The following ABCB1 variants were observed in gnomAD, a reference collection of about 807,000 sequenced individuals.
ABCB1 encodes ATP binding cassette subfamily B member 1, also known as ATP-dependent translocase ABCB1.
ABCB1 carries 69 observed loss-of-function variants against 142.0 expected under a neutral mutation model. The ratio of observed to expected loss-of-function variants is 0.49; its 90% CI spans 0.40 to 0.59. The LOEUF (loss-of-function observed/expected upper bound fraction) is 0.59. Among genes scored for constraint, ABCB1 ranks in the 20% least tolerant of loss-of-function variants. The pLI, the probability that ABCB1 is intolerant of heterozygous loss-of-function variation, is 0.00. For synonymous variants in ABCB1, 532 were observed against 539.2 expected, an observed-to-expected ratio of 0.99 and a Z score of 0.18; for missense variants, 1,326 against 1,554.7, an observed-to-expected ratio of 0.85 and a Z score of 2.47.
At chr7:87,506,867 C>T (rs28401817) in intron 26 of ABCB1, among the ~76,000 whole-genome samples, 1,663 of 152,252 alleles carry the variant, frequency 0.011, 30 homozygotes, top group African/African-American at 0.037. Flanking sequence ...CCCTGGGTTT[C>T]CCCCTGTAAA....
chr7:87,702,166 A>C (rs1317916117), intron 1 of ABCB1, among the ~76,000 whole-genome samples: 8 of 149,464 alleles, frequency 5.4e-5, no homozygotes, highest in South Asian at 2.1e-4. Flanking sequence ...AAAAAAAAAA[A>C]AAAAAACAGA....
intron 17 of ABCB1, 79 bp downstream of exon 17, chr7:87,544,050 G>A: frequency 6.4e-7 from 1 of 1,555,980 alleles, no homozygotes; most frequent in Non-Finnish European, 8.9e-7. Flanking sequence ...TTGTATCCCA[G>A]TTCAGACACA....
intron 4 of ABCB1, among the ~76,000 whole-genome samples, chr7:87,578,740 C>A (rs1477031457): frequency 5.0e-5 from 7 of 139,192 alleles, no homozygotes; most frequent in African/African-American, 1.6e-4. Context: ...GTCGCCCAGG[C>A]TGGAGTGCAG....
At chr7:87,561,915 G>A (rs1453435301) in intron 7 of ABCB1, among the ~76,000 whole-genome samples, 9 of 152,196 alleles carry the variant, frequency 5.9e-5, no homozygotes, top group African/African-American at 2.2e-4. Flanking sequence ...GAGCCTAGGA[G>A]GACGAGGCTG....
At chr7:87,628,832 C>T in intron 1 of ABCB1, 1 of 1,257,312 alleles carries the variant, frequency 8.0e-7, no homozygotes, top group Non-Finnish European at 1.0e-6. Context: ...CCATGGCCTC[C>T]CGGAGCCTGG....
chr7:87,539,718 T>C (rs893620774), intron 18 of ABCB1, among the ~76,000 whole-genome samples: 5 of 152,204 alleles, frequency 3.3e-5, no homozygotes, highest in Non-Finnish European at 7.3e-5. Context: ...TTGGGTGGTC[T>C]AACATCTTTA....
At chr7:87,704,769 G>A (rs1829438991) in intron 1 of ABCB1, among the ~76,000 whole-genome samples, 1 of 152,130 alleles carries the variant, frequency 6.6e-6, no homozygotes, top group South Asian at 2.1e-4. Flanking sequence ...AGTTATGCTG[G>A]GAAGAGTCTG....
intron 4 of ABCB1, among the ~76,000 whole-genome samples, chr7:87,577,285 A>T (rs1818308638): frequency 6.6e-6 from 1 of 152,090 alleles, no homozygotes. Flanking sequence ...CATTGTGTGT[A>T]TGTATCATAA....
intron 15 of ABCB1, 116 bp downstream of exon 15, chr7:87,545,747 G>A: frequency 9.1e-7 from 1 of 1,101,332 alleles, no homozygotes; most frequent in South Asian, 1.6e-5. Context: ...GAATCCCCCA[G>A]GTGTTGTTTC....
chr7:87,647,898 T>G (rs1823175653), intron 1 of ABCB1, among the ~76,000 whole-genome samples: 2 of 151,840 alleles, frequency 1.3e-5, no homozygotes, highest in Admixed American at 1.3e-4. Flanking sequence ...AAATGGAAAA[T>G]GATAGGCCAG....
At chr7:87,591,124 G>A (rs1012166281) in intron 3 of ABCB1, among the ~76,000 whole-genome samples, 3 of 152,126 alleles carry the variant, frequency 2.0e-5, no homozygotes, top group African/African-American at 7.2e-5. Context: ...AGGGAGGAGG[G>A]GGCCTGGAGT....
intron 4 of ABCB1, among the ~76,000 whole-genome samples, chr7:87,576,825 T>C (rs1297767811): frequency 6.6e-6 from 1 of 152,170 alleles, no homozygotes; most frequent in Non-Finnish European, 1.5e-5. Context: ...TGAGATATTT[T>C]GACATAGGCA....
At position 87,530,823 on chromosome 7, in the gene ABCB1, AAGAAAGC is replaced by A. The variant is rs1563037322; in HGVS notation, c.2685+464_2685+470del. On this transcript the variant is annotated intron_variant, in intron 21 of 27. Transcript: ENST00000622132. ...CAAGAAAGCAAGAAAGCAAGAAAGC[AAGAAAGC>A]AAGAAAGCAAGAAAGAAAGAAAGAA... is the stretch of plus-strand genomic sequence containing the variant. Among the ~76,000 whole-genome samples the A allele has an allele frequency of 2.8e-4, 22 of 78,868 alleles. No homozygotes were observed. In the South Asian group the frequency reaches 4.7e-3, roughly 17 times the overall value. 51.7% of individuals were successfully genotyped at this position (78,868 alleles called of 152,430 possible).
intron 21 of ABCB1, 29 bp from the exon 22 acceptor site, chr7:87,520,905 G>T: frequency 6.5e-7 from 1 of 1,530,790 alleles, no homozygotes; most frequent in Non-Finnish European, 9.1e-7. Flanking sequence ...ATCACCAAGA[G>T]GCACAAGAGT....
intron 26 of ABCB1, among the ~76,000 whole-genome samples, chr7:87,508,427 C>T (rs978124758): frequency 2.3e-4 from 35 of 152,184 alleles, no homozygotes; most frequent in African/African-American, 2.7e-4. Flanking sequence ...ATCCAAAACA[C>T]TTCTGGTCCC....
chr7:87,568,111 A>G (rs1817858802), intron 5 of ABCB1, among the ~76,000 whole-genome samples: 1 of 151,070 alleles, frequency 6.6e-6, no homozygotes, highest in African/African-American at 2.4e-5. Flanking sequence ...TCAAAAAAAA[A>G]AAAAGAAAAG....
chr7:87,635,205 G>C (rs561670860), intron 1 of ABCB1, among the ~76,000 whole-genome samples: 5 of 152,292 alleles, frequency 3.3e-5, no homozygotes, highest in Non-Finnish European at 5.9e-5. Context: ...GCATCAGAGA[G>C]AATTGGGTAT....
chr7:87,636,611 C>T (rs1821800451), intron 1 of ABCB1, among the ~76,000 whole-genome samples: 3 of 152,102 alleles, frequency 2.0e-5, no homozygotes. Flanking sequence ...ACTGTAATGT[C>T]TTTAAGAAGC....
chr7:87,600,313 C>T, intron 1 of ABCB1, 123 bp from the exon 2 acceptor site: 1 of 785,876 alleles, frequency 1.3e-6, no homozygotes, highest in South Asian at 1.4e-5. Context: ...CCGTTGATGC[C>T]CCAGCTGCTC....
Sources: allele counts gnomAD v4.1 joint callset (sites outside exome capture counted in the v4.1 genomes callset), GRCh38; gene constraint gnomAD v4.1.1; transcripts MANE v1.5; gene names NCBI Gene and HGNC (gene_info 2026-07-23, HGNC 2026-07-21).